Variants in SAMD5 observed in about 807,000 individuals in gnomAD.
SAMD5 encodes the protein sterile alpha motif domain containing 5, also known as sterile alpha motif domain-containing protein 5.
A neutral mutation model predicts 11.3 loss-of-function variants in SAMD5; 13 were observed. The observed-to-expected ratio is 1.15, with a 90% CI of 0.75 to 1.83. The LOEUF is 1.83. Ranked by LOEUF, SAMD5 falls within the 40% of genes most tolerant of loss-of-function variation. The probability of loss-of-function intolerance (pLI) is 0.00; values close to 1 mark genes in which losing one functional copy is unlikely to be tolerated. For missense variants in SAMD5, 255 were observed against 239.1 expected (o/e 1.07, Z -0.44); for synonymous variants, 129 against 111.3 (o/e 1.16, Z -1.00).
chr6:147,721,965 G>A (rs1791558095), intron 1 of SAMD5, among the ~76,000 whole-genome samples: 1 of 152,092 alleles, frequency 6.6e-6, no homozygotes, highest in Non-Finnish European at 1.5e-5. Flanking sequence ...AATGAGAAGT[G>A]TTACAAGTCA....
At chr6:147,643,891 G>GTCCTAAGGTAGAGAAGAGTCTGTACTA (rs1554239659) in intron 1 of SAMD5, among the ~76,000 whole-genome samples, 1 of 139,596 alleles carries the variant, frequency 7.2e-6, no homozygotes, top group Admixed American at 7.0e-5. Flanking sequence ...AGAAAGAAAT[G>GTCCTAAGGTAGAGAAGAGTCTGTACTA]ATAAGTTCCT....
the SAMD5 span, among the ~76,000 whole-genome samples, chr6:147,909,618 T>TTCTCTC: frequency 1.3e-5 from 1 of 76,432 alleles, no homozygotes; most frequent in Non-Finnish European, 2.3e-5. Context: ...CTTTCTTTCT[T>TTCTCTC]TCTTTCTTTC....
the SAMD5 span, among the ~76,000 whole-genome samples, chr6:147,830,813 G>A: frequency 6.6e-6 from 1 of 152,134 alleles, no homozygotes; most frequent in African/African-American, 2.4e-5. Context: ...AATTTTGTCA[G>A]GAAGATCTAA....
At chr6:147,740,609 A>G (rs1791865884), downstream of SAMD5, among the ~76,000 whole-genome samples, 1 of 152,184 alleles carries the variant, frequency 6.6e-6, no homozygotes, top group South Asian at 2.1e-4. Flanking sequence ...ACCTTGCCAT[A>G]CTATTCCTTC....
chr6:147,820,456 C>T, the SAMD5 span, among the ~76,000 whole-genome samples: 6 of 152,196 alleles, frequency 3.9e-5, no homozygotes, highest in Non-Finnish European at 5.9e-5. Context: ...CACCTCGGTT[C>T]GATTTCATTT....
At chr6:147,853,347 C>T in the SAMD5 span, among the ~76,000 whole-genome samples, 1 of 152,014 alleles carries the variant, frequency 6.6e-6, no homozygotes, top group African/African-American at 2.4e-5. Flanking sequence ...ATGCTTTGGG[C>T]TCCTTTGAAA....
intron 1 of SAMD5, among the ~76,000 whole-genome samples, chr6:147,562,325 T>C (rs1323582057): frequency 2.0e-5 from 3 of 152,236 alleles, no homozygotes; most frequent in Non-Finnish European, 4.4e-5. Context: ...AATGAGAATG[T>C]CTTCAAGAAA....
the SAMD5 span, among the ~76,000 whole-genome samples, chr6:147,785,913 C>G: frequency 6.6e-6 from 1 of 152,116 alleles, no homozygotes; most frequent in Non-Finnish European, 1.5e-5. Context: ...ATACAACAAT[C>G]GCTTCTTGAA....
At chr6:147,570,736 T>A (rs1245963835), downstream of SAMD5, among the ~76,000 whole-genome samples, 1 of 145,458 alleles carries the variant, frequency 6.9e-6, no homozygotes, top group Non-Finnish European at 1.6e-5. Flanking sequence ...GCAAAAAAAA[T>A]ATATGGTAAA....
At chr6:147,778,556 C>G in the SAMD5 span, among the ~76,000 whole-genome samples, 1 of 152,118 alleles carries the variant, frequency 6.6e-6, no homozygotes, top group Non-Finnish European at 1.5e-5. Context: ...TTGGATTCAT[C>G]CCTTCCTTTT....
intron 1 of SAMD5, among the ~76,000 whole-genome samples, chr6:147,693,339 C>T (rs966640090): frequency 1.1e-4 from 17 of 152,296 alleles, no homozygotes; most frequent in African/African-American, 3.8e-4. Context: ...CCTCTGACAG[C>T]AGGGCCTGCA....
chr6:147,806,021 A>T, the SAMD5 span, among the ~76,000 whole-genome samples: 1 of 152,146 alleles, frequency 6.6e-6, no homozygotes, highest in African/African-American at 2.4e-5. Context: ...TGGGGACCAC[A>T]GCAAGCAGGA....
intron 1 of SAMD5, among the ~76,000 whole-genome samples, chr6:147,552,814 T>C (rs1359924570): frequency 1.3e-5 from 2 of 152,188 alleles, no homozygotes; most frequent in African/African-American, 4.8e-5. Context: ...GGTAGTTATG[T>C]TCTGTAGGGC....
At chr6:147,630,044 G>A (rs1015049027) in intron 1 of SAMD5, among the ~76,000 whole-genome samples, 3 of 151,000 alleles carry the variant, frequency 2.0e-5, no homozygotes, top group Non-Finnish European at 4.4e-5. Flanking sequence ...CCACCTCCCA[G>A]GTTCAAGCAA....
chr6:147,709,551 A>G (rs1791369390), intron 1 of SAMD5, among the ~76,000 whole-genome samples: 1 of 152,230 alleles, frequency 6.6e-6, no homozygotes, highest in South Asian at 2.1e-4. Context: ...TGGCACAGAA[A>G]GAAGACATTG....
intron 1 of SAMD5, among the ~76,000 whole-genome samples, chr6:147,674,397 G>A (rs1318686491): frequency 1.3e-5 from 2 of 152,066 alleles, no homozygotes; most frequent in African/African-American, 4.8e-5. Flanking sequence ...TTCCCACCCA[G>A]TAACACCAAT....
chr6:147,889,511 G>A, the SAMD5 span, among the ~76,000 whole-genome samples: 14 of 152,118 alleles, frequency 9.2e-5, no homozygotes, highest in Non-Finnish European at 4.4e-5. Flanking sequence ...TTTATATGCT[G>A]TATAATTTGT....
downstream of SAMD5, among the ~76,000 whole-genome samples, chr6:147,572,588 AC>A (rs376761121): frequency 1.7e-4 from 26 of 152,118 alleles, no homozygotes; most frequent in African/African-American, 5.8e-4. Flanking sequence ...AGATCCTCCC[AC>A]CTCAGACTCC....
At chr6:147,587,468 C>A (rs536464982) in intron 1 of SAMD5, among the ~76,000 whole-genome samples, 222 of 152,228 alleles carry the variant, frequency 1.5e-3, no homozygotes, top group African/African-American at 5.1e-3. Context: ...AACTCCTGAC[C>A]TCAAGTGATC....
Sources: allele counts gnomAD v4.1 joint callset (sites outside exome capture counted in the v4.1 genomes callset), GRCh38; gene constraint gnomAD v4.1.1; transcripts MANE v1.5; gene names NCBI Gene and HGNC (gene_info 2026-07-23, HGNC 2026-07-21).